KPNA7: variants seen among roughly 807,000 people sequenced by gnomAD.
The protein encoded by KPNA7 is karyopherin subunit alpha 7.
Under a neutral mutation model 53.7 loss-of-function variants are expected in KPNA7, and 54 were observed. The observed-to-expected ratio is 1.01, with a 90% confidence interval of 0.81 to 1.26. The LOEUF (loss-of-function observed/expected upper bound fraction) is 1.26. Ranked by LOEUF, KPNA7 falls within the 50% of genes most tolerant of loss-of-function variation. KPNA7 has a pLI of 0.00. For missense variants in KPNA7, 640 were observed against 644.5 expected (o/e 0.99, Z 0.07); for synonymous variants, 276 against 259.3 (o/e 1.06, Z -0.62).
At chr7:99,147,724 G>A in the KPNA7 span, among the ~76,000 whole-genome samples, 1 of 152,172 alleles carries the variant, frequency 6.6e-6, no homozygotes, top group African/African-American at 2.4e-5. Context: ...CCGGGAGGCG[G>A]AGGTTGCAGT....
At chr7:99,217,833 G>A (rs948395565) in intron 1 of KPNA7, among the ~76,000 whole-genome samples, 2 of 151,898 alleles carry the variant, frequency 1.3e-5, no homozygotes, top group Admixed American at 6.6e-5. Flanking sequence ...GTTTCATCAT[G>A]TTGGCCAGAC....
downstream of KPNA7, among the ~76,000 whole-genome samples, chr7:99,170,119 C>CA (rs1391221717): frequency 6.6e-6 from 1 of 152,110 alleles, no homozygotes; most frequent in Non-Finnish European, 1.5e-5. Context: ...AGCAGATATC[C>CA]ACCAATGACA....
intron 1 of KPNA7, among the ~76,000 whole-genome samples, 190 bp downstream of exon 1, chr7:99,207,838 G>A (rs1291343031): frequency 3.3e-5 from 5 of 151,520 alleles, no homozygotes; most frequent in South Asian, 2.1e-4. Flanking sequence ...GTTTCACCAC[G>A]TTGGCCAGGC....
rs776729679 is a variant in KPNA7 at position 99,177,937 on chromosome 7, C to T, written c.1447G>A (p.Glu483Lys). Reference protein sequence around the residue: ...QIGQSALNIIEKHFGEEEDES... With the variant: ...QIGQSALNIIKKHFGEEEDES... ...TCACTTACCTCACCAAAGTGCTTCT[C>T]GATGATGTTCAAAGCCGACTGGCCA... The change falls in exon 10 of 11, where the codon GAG becomes AAG. Residue 483 changes from glutamate (E) to lysine (K), a missense_variant. Coordinates refer to ENST00000327442, the MANE Select transcript of KPNA7 (RefSeq NM_001145715.3). The T allele has an allele frequency of 9.7e-6, 15 of 1,551,880 alleles. No homozygotes were observed. Among genetic ancestry groups the T allele is most frequent in the Admixed American group, 2.0e-5 (1 of 50,950 alleles).
chr7:99,160,908 C>G, the KPNA7 span, among the ~76,000 whole-genome samples: 1 of 151,870 alleles, frequency 6.6e-6, no homozygotes, highest in Non-Finnish European at 1.5e-5. Flanking sequence ...TCTCTGTCAC[C>G]CAGACTGGAG....
chr7:99,146,032 G>A, the KPNA7 span, among the ~76,000 whole-genome samples: 4 of 152,126 alleles, frequency 2.6e-5, no homozygotes, highest in Non-Finnish European at 5.9e-5. Flanking sequence ...GAATGCCTGG[G>A]TCTGAATTAA....
At chr7:99,216,925 G>A (rs1000274577) in intron 1 of KPNA7, among the ~76,000 whole-genome samples, 2 of 152,120 alleles carry the variant, frequency 1.3e-5, no homozygotes, top group African/African-American at 4.8e-5. Context: ...CTTATTAACG[G>A]TATTGAGTCG....
At chr7:99,154,834 T>C in the KPNA7 span, among the ~76,000 whole-genome samples, 1 of 152,088 alleles carries the variant, frequency 6.6e-6, no homozygotes, top group Non-Finnish European at 1.5e-5. Context: ...TCATGTAATA[T>C]ACACCATGAA....
the KPNA7 span, among the ~76,000 whole-genome samples, chr7:99,158,123 G>A: frequency 4.0e-5 from 6 of 151,018 alleles, no homozygotes; most frequent in East Asian, 3.9e-4. Flanking sequence ...GGCCTCAAGC[G>A]ATCCTCCCAC....
chr7:99,160,019 T>G, the KPNA7 span, among the ~76,000 whole-genome samples: 21 of 65,716 alleles, frequency 3.2e-4, no homozygotes, highest in African/African-American at 6.1e-4. Context: ...TTGTTTTTGT[T>G]TTTTTTTTTT....
chr7:99,204,417 T>TA (rs1790694017), intron 2 of KPNA7, among the ~76,000 whole-genome samples: 1 of 151,918 alleles, frequency 6.6e-6, no homozygotes, highest in Non-Finnish European at 1.5e-5. Context: ...TCCCCGATCT[T>TA]ATGTCAGTTA....
At chr7:99,178,974 A>C (rs1233710381) in intron 9 of KPNA7, among the ~76,000 whole-genome samples, 2 of 150,458 alleles carry the variant, frequency 1.3e-5, no homozygotes, top group Non-Finnish European at 3.0e-5. Flanking sequence ...ATGGGGTTTC[A>C]CCATGTTGGC....
intron 1 of KPNA7, among the ~76,000 whole-genome samples, chr7:99,215,358 C>A (rs562688852): frequency 9.9e-6 from 1 of 100,970 alleles, no homozygotes; most frequent in Non-Finnish European, 1.8e-5. Flanking sequence ...GGCAACAGAG[C>A]GAGACTGTCT....
rs976179206 is a variant in KPNA7, at chr7:99,173,777, T to C, written c.1482A>G (p.Gln494=). 5.7e-5 allele frequency: 88 copies of C among 1,549,600 alleles called. No individual in the cohort carries two copies. Among genetic ancestry groups the C allele is most frequent in the Middle Eastern group, 1.7e-4 (1 of 6,016 alleles). Residue 494 remains glutamine, a synonymous_variant, in exon 11 of 11, where the codon CAA becomes CAG. Coordinates refer to ENST00000327442, the MANE Select transcript of KPNA7 (RefSeq NM_001145715.3). ...GGTCTATGACTTGGCTCAGTAAAGT[T>C]TGGCTCTCATCTTCTTCCTTCAGGA... The part of the protein sequence containing the change: ...KHFGEEEDES[Q]TLLSQVIDQD...
Position 99,195,108 on chromosome 7 carries a change from A to G in KPNA7, c.515T>C (p.Val172Ala). 6.4e-7 allele frequency: 1 copy of G among 1,551,628 alleles called. No individual in the cohort carries two copies. Among genetic ancestry groups the G allele is most frequent in the Admixed American group, 2.0e-5 (1 of 50,980 alleles). The stretch of plus-strand genomic sequence containing the variant: ...AAGAGCCCACACTGCCTGTTCACAC[A>G]CAGCCACGTTGGAGGAAGACAGGAG... Reference protein sequence around the residue: ...IELLSSSNVAVCEQAVWALGN... With the variant: ...IELLSSSNVAACEQAVWALGN... Residue 172 changes from valine (V) to alanine (A), a missense_variant, in exon 5 of 11, where the codon GTG becomes GCG. Physicochemically the swap from Val to Ala is moderately conservative, Grantham distance 64. Transcript: ENST00000327442.
At chr7:99,176,297 C>CAAAAAAAAAAAAA (rs1491289534) in intron 10 of KPNA7, among the ~76,000 whole-genome samples, 1 of 57,148 alleles carries the variant, frequency 1.7e-5, no homozygotes, top group African/African-American at 5.5e-5. Flanking sequence ...GACTACGTCT[C>CAAAAAAAAAAAAA]AAAAAAAAAA....
the KPNA7 span, among the ~76,000 whole-genome samples, chr7:99,160,014 T>G: frequency 1.5e-4 from 16 of 109,496 alleles, no homozygotes; most frequent in African/African-American, 4.9e-4. Context: ...CTCTGTTGTT[T>G]TTGTTTTTTT....
At chr7:99,190,317 C>G (rs749086414) in intron 6 of KPNA7, among the ~76,000 whole-genome samples, 2 of 134,144 alleles carry the variant, frequency 1.5e-5, no homozygotes, top group Admixed American at 8.1e-5. Context: ...AGCCTGGTGA[C>G]AGAGCAAGAC....
At chr7:99,214,302 G>A (rs1222996321) in intron 1 of KPNA7, among the ~76,000 whole-genome samples, 1 of 151,684 alleles carries the variant, frequency 6.6e-6, no homozygotes, top group Non-Finnish European at 1.5e-5. Flanking sequence ...AATTAGCCAG[G>A]GATGGTGGCA....
Sources: gnomAD v4.1 joint callset for allele counts (sites outside exome capture counted in the v4.1 genomes callset) on GRCh38, gnomAD v4.1.1 for gene constraint, MANE v1.5 for transcripts, NCBI Gene and HGNC (gene_info 2026-07-23, HGNC 2026-07-21) for gene names.